Variants in CSK observed in about 807,000 individuals in gnomAD.
The protein encoded by CSK is tyrosine-protein kinase CSK.
Under a neutral mutation model 62.3 loss-of-function variants are expected in CSK, and 7 were observed. That is an observed-to-expected ratio of 0.11 (90% CI 0.06 to 0.21). The LOEUF (loss-of-function observed/expected upper bound fraction) is 0.21. Ranked by LOEUF, CSK falls within the 10% of genes least tolerant of loss-of-function variation. The pLI is 1.00. For synonymous variants in CSK, 237 were observed against 246.0 expected, an observed-to-expected ratio of 0.96 and a Z score of 0.34; for missense variants, 294 against 613.5, an observed-to-expected ratio of 0.48 and a Z score of 5.50.
At chr15:74,795,953 C>T (rs2063698461) in intron 1 of CSK, among the ~76,000 whole-genome samples, 1 of 152,168 alleles carries the variant, frequency 6.6e-6, no homozygotes, top group African/African-American at 2.4e-5. Flanking sequence ...TGCAGTGGCT[C>T]ACACCTGTAA....
At chr15:74,795,710 G>A (rs1394933138) in intron 1 of CSK, among the ~76,000 whole-genome samples, 1 of 152,102 alleles carries the variant, frequency 6.6e-6, no homozygotes, top group Admixed American at 6.6e-5. Flanking sequence ...TAAATATACG[G>A]TTGACCCTTG....
chr15:74,790,490 T>G (rs2063603064), intron 1 of CSK, among the ~76,000 whole-genome samples: 1 of 152,216 alleles, frequency 6.6e-6, no homozygotes, highest in East Asian at 1.9e-4. Flanking sequence ...ACCTCAGCGC[T>G]TGGGCACAAT....
At chr15:74,795,739 GGCATCAACCTCCTCCCT>G (rs1410609665) in intron 1 of CSK, among the ~76,000 whole-genome samples, 1 of 151,930 alleles carries the variant, frequency 6.6e-6, no homozygotes, top group Non-Finnish European at 1.5e-5. Context: ...AGGGGTTGAG[GGCATCAACCTCCTCCCT>G]GCAGTCAAAA....
At chr15:74,786,013 T>TTGTGTGTGTGTG (rs1555464578) in intron 1 of CSK, among the ~76,000 whole-genome samples, 397 of 46,938 alleles carry the variant, frequency 8.5e-3, no homozygotes, top group Non-Finnish European at 0.017. Context: ...TTTTTTTTTT[T>TTGTGTGTGTGTG]TGTGTGTGTG....
At position 74,787,307 on chromosome 15, in the gene CSK, G is replaced by T. The variant is rs114115453; in HGVS notation, c.-66+4587G>T. Among the ~76,000 whole-genome samples the T allele has an allele frequency of 3.0e-3, 462 of 152,314 alleles. 1 individual carries two copies. Among genetic ancestry groups the T allele is most frequent in the African/African-American group, 0.011 (452 of 41,550 alleles). ...AGTGAGCAGGGAGAGGCTGGCTTTG[G>T]GTGGCTGAGCCCCTGCTCCTCGGGA... On this transcript the variant is annotated intron_variant, in intron 1 of 12. Transcript: ENST00000220003.
At chr15:74,786,466 C>T (rs1228863874) in intron 1 of CSK, among the ~76,000 whole-genome samples, 1 of 152,128 alleles carries the variant, frequency 6.6e-6, no homozygotes, top group African/African-American at 2.4e-5. Flanking sequence ...AACAGCCATG[C>T]CAGCCTCATC....
chr15:74,788,058 G>A (rs932647821), intron 1 of CSK, among the ~76,000 whole-genome samples: 2 of 152,196 alleles, frequency 1.3e-5, no homozygotes. Flanking sequence ...CGTGGGCTGG[G>A]GCAGCCTGGA....
At position 74,798,754 on chromosome 15, in the gene CSK, A is replaced by G; in HGVS notation, c.129+26A>G. Reference sequence around the variant, plus strand: ...GTAATCAGGTGACGCCCACCCCACCATCCCACTGCTGGGCCTTCCCTCTGC... The same window carrying G: ...GTAATCAGGTGACGCCCACCCCACCGTCCCACTGCTGGGCCTTCCCTCTGC... On this transcript the variant is annotated intron_variant, in intron 3 of 12. Transcript: ENST00000220003. The surrounding 1 kb of genome is among the most constrained non-coding windows in gnomAD (Gnocchi z 6.6). 3 of 1,609,316 alleles carry G rather than the reference A, an allele frequency of 1.9e-6. No individual in the cohort carries two copies. The highest frequency in any genetic ancestry group is 2.6e-6 in the Non-Finnish European group (3 of 1,176,428).
At chr15:74,785,332 A>G (rs1035944737) in intron 1 of CSK, among the ~76,000 whole-genome samples, 13 of 152,164 alleles carry the variant, frequency 8.5e-5, no homozygotes, top group Non-Finnish European at 1.8e-4. Context: ...CTGCAGCGCC[A>G]TCACCCATAC....
At chr15:74,801,403 C>A in intron 9 of CSK, 119 bp from the exon 10 acceptor site, 1 of 966,124 alleles carries the variant, frequency 1.0e-6, no homozygotes, top group East Asian at 2.5e-5. Context: ...GGCCCCTCCC[C>A]ACTCCTTCCC....
At chr15:74,792,345 G>A (rs1002045095) in intron 1 of CSK, among the ~76,000 whole-genome samples, 6 of 152,100 alleles carry the variant, frequency 3.9e-5, no homozygotes, top group Admixed American at 6.6e-5. Context: ...ATGGCAAGGC[G>A]GGGAGGGAGA....
intron 1 of CSK, among the ~76,000 whole-genome samples, chr15:74,793,795 C>T (rs1474919711): frequency 6.6e-6 from 1 of 152,034 alleles, no homozygotes; most frequent in Non-Finnish European, 1.5e-5. Flanking sequence ...GGAGTGTTTG[C>T]AAACTGACAG....
chr15:74,789,218 G>T (rs34044588), intron 1 of CSK, among the ~76,000 whole-genome samples: 2 of 152,352 alleles, frequency 1.3e-5, no homozygotes, highest in East Asian at 1.9e-4. Context: ...GCCCCGGGAT[G>T]GGGGTAGGGC....
chr15:74,800,490 G>C lies in CSK; in HGVS notation c.541G>C (p.Asp181His). ...KVMEGTVAAQDEFYRSGWALN... is the reference protein window; with the variant it reads ...KVMEGTVAAQHEFYRSGWALN... ...CATGGAGGGCACAGTGGCGGCCCAG[G>C]ATGAGTTCTACCGCAGTGAGTGCAC... The change falls in exon 6 of 13, where the codon GAT becomes CAT. Residue 181 changes from aspartate to histidine, a missense_variant. Coordinates refer to ENST00000220003, the MANE Select transcript of CSK (RefSeq NM_004383.3). 1 of 1,613,904 alleles carries C rather than the reference G, an allele frequency of 6.2e-7. No homozygotes were observed. Among genetic ancestry groups the C allele is most frequent in the Non-Finnish European group, 8.5e-7 (1 of 1,179,958 alleles).
intron 1 of CSK, among the ~76,000 whole-genome samples, chr15:74,787,516 C>T (rs2063541897): frequency 1.3e-5 from 2 of 152,176 alleles, no homozygotes; most frequent in Non-Finnish European, 2.9e-5. Context: ...TTGAGAGCTC[C>T]CCTCAGCAGG....
At chr15:74,793,653 G>T (rs2063659622) in intron 1 of CSK, among the ~76,000 whole-genome samples, 1 of 152,250 alleles carries the variant, frequency 6.6e-6, no homozygotes, top group Admixed American at 6.5e-5. Context: ...TAGAGGATGT[G>T]ATGAGCCATA....
chr15:74,799,282 G>A lies in CSK; in HGVS notation c.253G>A (p.Gly85Ser), dbSNP rs1413143879. 2 of 1,608,728 alleles carry A rather than the reference G, an allele frequency of 1.2e-6. No individual in the cohort carries two copies. The highest frequency in any genetic ancestry group is 1.3e-5 in the African/African-American group (1 of 74,940). ...CCTGCTGCTCCCCAGTTGGTTCCAC[G>A]GCAAGATCACACGGGAGCAGGCTGA... ...TKLSLMPWFHGKITREQAERL... is the reference protein window; with the variant it reads ...TKLSLMPWFHSKITREQAERL... Residue 85 changes from glycine (G) to serine (S), a missense_variant, in exon 5 of 13, where the codon GGC becomes AGC. By Grantham distance (56) the Gly-to-Ser change is moderately conservative. Coordinates refer to ENST00000220003, the MANE Select transcript of CSK (RefSeq NM_004383.3).
chr15:74,789,175 C>T (rs952714153), intron 1 of CSK, among the ~76,000 whole-genome samples: 3 of 152,228 alleles, frequency 2.0e-5, no homozygotes, highest in African/African-American at 4.8e-5. Flanking sequence ...CCATTAAATC[C>T]GCCCTTCTCC....
intron 1 of CSK, among the ~76,000 whole-genome samples, chr15:74,796,621 G>T (rs11635664): frequency 0.43 from 64,577 of 150,514 alleles, 17,989 homozygotes; most frequent in Non-Finnish European, 0.65. Context: ...AAAAGAAAAA[G>T]AAAAAATCCA....
Sources: gnomAD v4.1 joint callset for allele counts (sites outside exome capture counted in the v4.1 genomes callset) on GRCh38, gnomAD v4.1.1 for gene constraint, Gnocchi (gnomAD v3.1) non-coding constraint, MANE v1.5 for transcripts, NCBI Gene and HGNC (gene_info 2026-07-23, HGNC 2026-07-21) for gene names.